SPECC1: variants seen among roughly 807,000 people sequenced by gnomAD.
SPECC1 encodes the protein cytospin-B.
A neutral mutation model predicts 104.1 loss-of-function variants in SPECC1; 62 were observed. That is an observed-to-expected ratio of 0.60 (90% CI 0.49 to 0.74). SPECC1 has a LOEUF of 0.74. SPECC1 is among the 30% of genes least tolerant of loss of function. The probability of loss-of-function intolerance (pLI) is 0.00; values close to 1 mark genes in which losing one functional copy is unlikely to be tolerated. For missense variants in SPECC1, 1,306 were observed against 1,310.5 expected, an observed-to-expected ratio of 1.00 and a Z score of 0.05; for synonymous variants, 513 against 501.6, an observed-to-expected ratio of 1.02 and a Z score of -0.30.
chr17:20,092,806 G>T (rs1014855937), intron 1 of SPECC1, among the ~76,000 whole-genome samples: 1 of 152,220 alleles, frequency 6.6e-6, no homozygotes, highest in South Asian at 2.1e-4. Context: ...CTTATTGGGT[G>T]AAGATGTAGA....
chr17:20,254,505 A>G (rs2039754845), intron 10 of SPECC1, among the ~76,000 whole-genome samples: 1 of 152,172 alleles, frequency 6.6e-6, no homozygotes, highest in Admixed American at 6.5e-5. Flanking sequence ...GCACTGTGGA[A>G]GTGTTTACTG....
intron 3 of SPECC1, among the ~76,000 whole-genome samples, chr17:20,133,151 T>C (rs563131260): frequency 6.6e-6 from 1 of 152,356 alleles, no homozygotes; most frequent in Non-Finnish European, 1.5e-5. Context: ...TTCTTTCTCT[T>C]TTTTTGTCAG....
At position 20,204,727 on chromosome 17, in the gene SPECC1, A is replaced by G. The variant is rs1597967899; in HGVS notation, c.678A>G (p.Ile226Met). ...CCCCAGGTGACACGGAACCTATGATAAGAGCTCTTGAGGAGAAGAACAAGA... is the reference window on the plus strand; with the variant it reads ...CCCCAGGTGACACGGAACCTATGATGAGAGCTCTTGAGGAGAAGAACAAGA... ...SVSPGDTEPM[I>M]RALEEKNKNF... Residue 226 changes from isoleucine to methionine, a missense_variant, in exon 4 of 15, where the codon ATA (isoleucine) becomes ATG (methionine). Around this residue, in one of 2 missense-constraint regions of SPECC1, gnomAD observed 1,177 missense variants for 1,139.9 expected, o/e 1.03. Transcript: ENST00000395527. 2 of 1,614,060 alleles carry G rather than the reference A, an allele frequency of 1.2e-6. No individual in the cohort carries two copies. Among genetic ancestry groups the G allele is most frequent in the East Asian group, 4.5e-5 (2 of 44,826 alleles).
intron 2 of SPECC1, among the ~76,000 whole-genome samples, chr17:20,099,701 A>G (rs2047839861): frequency 6.9e-6 from 1 of 144,330 alleles, no homozygotes; most frequent in African/African-American, 2.7e-5. Context: ...TCTCAAAAAA[A>G]AAAAAAAAAA....
chr17:20,281,613 T>A lies in SPECC1; in HGVS notation c.2941-15348T>A, dbSNP rs115700808. Among the ~76,000 whole-genome samples the A allele has an allele frequency of 8.3e-3, 1,259 of 152,296 alleles. 21 individuals carry two copies. Among genetic ancestry groups the A allele is most frequent in the African/African-American group, 0.028 (1,158 of 41,570 alleles). On this transcript the variant is annotated intron_variant, in intron 12 of 14. Transcript: ENST00000395527. ...TTCTCCAACATTTCCTTGAGGGAGC[T>A]GCTGGACACAGGTAAACACTCAGCA...
intron 3 of SPECC1, among the ~76,000 whole-genome samples, chr17:20,181,998 C>G (rs9941362): frequency 0.25 from 37,686 of 151,828 alleles, 5,820 homozygotes; most frequent in African/African-American, 0.45. Context: ...AAAAAGGAAG[C>G]TCCTTACATT....
chr17:20,073,196 C>T (rs556779238), intron 1 of SPECC1, among the ~76,000 whole-genome samples: 2 of 152,222 alleles, frequency 1.3e-5, no homozygotes, highest in East Asian at 1.9e-4. Flanking sequence ...GGTTGTAGCC[C>T]GACTTCCCCT....
At chr17:20,274,998 T>C (rs1424065485) in intron 12 of SPECC1, among the ~76,000 whole-genome samples, 2 of 150,796 alleles carry the variant, frequency 1.3e-5, no homozygotes, top group East Asian at 3.8e-4. Context: ...ATAAATACTC[T>C]ATCAACTAAA....
intron 3 of SPECC1, among the ~76,000 whole-genome samples, chr17:20,172,065 C>T (rs1396259123): frequency 1.3e-5 from 2 of 152,202 alleles, no homozygotes; most frequent in Non-Finnish European, 1.5e-5. Context: ...GACATTATCT[C>T]AGGTAGCTGA....
At chr17:20,305,878 G>A in intron 13 of SPECC1, 145 bp from the exon 14 acceptor site, 2 of 596,476 alleles carry the variant, frequency 3.4e-6, no homozygotes, top group Non-Finnish European at 5.4e-6. Flanking sequence ...TTCTTAAACT[G>A]AGATCAAATA....
chr17:20,183,128 AAAAC>A (rs1206969119), intron 3 of SPECC1, among the ~76,000 whole-genome samples: 18 of 152,202 alleles, frequency 1.2e-4, no homozygotes, highest in African/African-American at 3.1e-4. Context: ...GCAAAAAAGA[AAAAC>A]AAAGGTGTTC....
At chr17:20,153,052 C>T (rs141513484) in intron 3 of SPECC1, among the ~76,000 whole-genome samples, 1 of 152,324 alleles carries the variant, frequency 6.6e-6, no homozygotes, top group East Asian at 1.9e-4. Context: ...CCTAAAGGCC[C>T]TGTCTCCAAA....
At chr17:20,184,760 T>C (rs2035145665) in intron 3 of SPECC1, among the ~76,000 whole-genome samples, 1 of 152,262 alleles carries the variant, frequency 6.6e-6, no homozygotes, top group Non-Finnish European at 1.5e-5. Context: ...TTTTAAACAT[T>C]TTAAGTATTA....
chr17:20,176,938 C>T (rs997186713), intron 3 of SPECC1, among the ~76,000 whole-genome samples: 3 of 152,152 alleles, frequency 2.0e-5, no homozygotes, highest in Admixed American at 2.0e-4. Flanking sequence ...CAGTGTGCTG[C>T]AGGAAGGTAG....
intron 3 of SPECC1, among the ~76,000 whole-genome samples, chr17:20,165,889 G>T (rs113235168): frequency 0.029 from 4,332 of 149,200 alleles, 191 homozygotes; most frequent in African/African-American, 0.099. Context: ...TTTTTAATGG[G>T]TTTTTTTTTT....
chr17:20,099,543 G>A (rs905328129), intron 2 of SPECC1, among the ~76,000 whole-genome samples: 8 of 138,028 alleles, frequency 5.8e-5, no homozygotes, highest in Admixed American at 1.5e-4. Flanking sequence ...AAAAAAATTA[G>A]CCTTAGCCGG....
In SPECC1 at chr17:20,315,345, C is replaced by G. The variant is rs1394830308; in HGVS notation, c.*1280C>G. On this transcript the variant is annotated 3_prime_UTR_variant, in exon 15 of 15. Coordinates refer to ENST00000395527, the MANE Select transcript of SPECC1 (RefSeq NM_001243439.2). ...TCCTACTGGTCACCTTAAGTGGCAG[C>G]AGAGCCCTCCCCAGCGGTGCCCCAG... 4.3e-6 allele frequency: 1 copy of G among 232,684 alleles called. No individual in the cohort carries two copies. Among genetic ancestry groups the G allele is most frequent in the Non-Finnish European group, 8.5e-6 (1 of 117,810 alleles). The allele number at this position is 232,684 out of a possible 1,614,324, so 14.4% of individuals were successfully genotyped here.
intron 4 of SPECC1, among the ~76,000 whole-genome samples, chr17:20,206,344 G>A (rs2036778410): frequency 6.6e-6 from 1 of 152,124 alleles, no homozygotes; most frequent in Non-Finnish European, 1.5e-5. Flanking sequence ...TTAGCTGCCA[G>A]TAACAGAAAA....
intron 14 of SPECC1, among the ~76,000 whole-genome samples, chr17:20,312,822 T>C (rs1323246428): frequency 6.6e-6 from 1 of 152,244 alleles, no homozygotes; most frequent in Non-Finnish European, 1.5e-5. Flanking sequence ...AGGCTGATAA[T>C]TTTTTAGCAT....
Sources: allele counts gnomAD v4.1 joint callset (sites outside exome capture counted in the v4.1 genomes callset), GRCh38; gene constraint gnomAD v4.1.1; regional missense constraint gnomAD v4.1.1; transcripts MANE v1.5; gene names NCBI Gene and HGNC (gene_info 2026-07-23, HGNC 2026-07-21).